Variants in SNTG1 observed in about 807,000 individuals in gnomAD.
SNTG1 encodes the protein gamma-1-syntrophin.
SNTG1 carries 39 observed loss-of-function variants against 74.7 expected under a neutral mutation model. The observed-to-expected ratio is 0.52, with a 90% CI of 0.40 to 0.68. The LOEUF (loss-of-function observed/expected upper bound fraction) is 0.68, where lower values mean the gene tolerates loss of function less well. Ranked by LOEUF, SNTG1 falls within the 30% of genes least tolerant of loss-of-function variation. The pLI is 0.00. For missense variants in SNTG1, 685 were observed against 609.5 expected, an observed-to-expected ratio of 1.12 and a Z score of -1.30; for synonymous variants, 254 against 217.1, an observed-to-expected ratio of 1.17 and a Z score of -1.49.
At chr8:50,505,598 A>T (rs2093999452) in intron 9 of SNTG1, among the ~76,000 whole-genome samples, 1 of 152,092 alleles carries the variant, frequency 6.6e-6, no homozygotes, top group African/African-American at 2.4e-5. Flanking sequence ...AATTTCCCTG[A>T]TAATCAGTAA....
At chr8:50,148,215 A>C (rs2081938975) in intron 1 of SNTG1, among the ~76,000 whole-genome samples, 1 of 152,114 alleles carries the variant, frequency 6.6e-6, no homozygotes, top group South Asian at 2.1e-4. Context: ...TGGTATAAAA[A>C]TGATTATGAA....
chr8:50,488,628 A>G (rs878932419), intron 8 of SNTG1, among the ~76,000 whole-genome samples: 70 of 152,158 alleles, frequency 4.6e-4, no homozygotes, highest in Admixed American at 2.4e-3. Flanking sequence ...TCTATCCTCC[A>G]TCATCTGTTC....
chr8:50,058,771 T>C (rs1217933477), intron 1 of SNTG1, among the ~76,000 whole-genome samples: 2 of 151,916 alleles, frequency 1.3e-5, no homozygotes, highest in African/African-American at 4.8e-5. Flanking sequence ...TGTATGTGTG[T>C]TTAGTGCCAT....
At chr8:50,206,217 G>A (rs535059105) in intron 2 of SNTG1, among the ~76,000 whole-genome samples, 81 of 152,080 alleles carry the variant, frequency 5.3e-4, no homozygotes, top group Admixed American at 1.4e-3. Context: ...ATGTTCTTCC[G>A]TTTGTTTGTG....
intron 13 of SNTG1, among the ~76,000 whole-genome samples, chr8:50,623,747 A>C (rs74681713): frequency 1.3e-5 from 2 of 152,010 alleles, no homozygotes; most frequent in African/African-American, 4.8e-5. Context: ...GTTGAAAAAT[A>C]CATACAAATA....
intron 1 of SNTG1, among the ~76,000 whole-genome samples, chr8:49,951,627 A>G (rs1585633719): frequency 1.3e-5 from 2 of 149,308 alleles, no homozygotes. Context: ...GGGAGCGGGG[A>G]GGGATAGCAT....
At chr8:50,152,293 A>G (rs1156375776) in intron 1 of SNTG1, among the ~76,000 whole-genome samples, 2 of 152,094 alleles carry the variant, frequency 1.3e-5, no homozygotes, top group African/African-American at 2.4e-5. Context: ...TTTTGAGCCT[A>G]TGTGTGTCTC....
intron 8 of SNTG1, among the ~76,000 whole-genome samples, chr8:50,485,488 A>C (rs1461416514): frequency 6.6e-6 from 1 of 152,010 alleles, no homozygotes; most frequent in Non-Finnish European, 1.5e-5. Context: ...GTGTCTGTTC[A>C]TGTCCTTCAC....
intron 2 of SNTG1, among the ~76,000 whole-genome samples, chr8:50,315,129 TA>T (rs2090267083): frequency 2.0e-5 from 3 of 149,948 alleles, no homozygotes; most frequent in African/African-American, 7.5e-5. Flanking sequence ...TATTCTTGTA[TA>T]TATATTATTT....
intron 2 of SNTG1, among the ~76,000 whole-genome samples, chr8:50,300,605 C>A (rs946966662): frequency 6.7e-6 from 1 of 150,304 alleles, no homozygotes; most frequent in Non-Finnish European, 1.5e-5. Context: ...AAATTTTTCC[C>A]ATGGAAGAAA....
chr8:50,217,341 A>C (rs888396375), intron 2 of SNTG1, among the ~76,000 whole-genome samples: 4 of 152,036 alleles, frequency 2.6e-5, no homozygotes, highest in African/African-American at 9.7e-5. Context: ...TTTTTCAATC[A>C]CTGGGAAGAC....
At chr8:50,253,297 C>A (rs990144010) in intron 2 of SNTG1, among the ~76,000 whole-genome samples, 4 of 152,006 alleles carry the variant, frequency 2.6e-5, no homozygotes, top group Non-Finnish European at 5.9e-5. Context: ...GTGGCGGGCA[C>A]CTGTAATCCC....
intron 18 of SNTG1, among the ~76,000 whole-genome samples, chr8:50,757,973 C>T (rs112539348): frequency 7.5e-4 from 114 of 151,946 alleles, no homozygotes; most frequent in African/African-American, 2.5e-3. Context: ...CCTCCTAATT[C>T]CTGCCTCTCC....
intron 13 of SNTG1, among the ~76,000 whole-genome samples, chr8:50,594,512 T>C (rs2094714015): frequency 1.3e-5 from 2 of 152,106 alleles, no homozygotes; most frequent in Non-Finnish European, 2.9e-5. Flanking sequence ...ACATATTAGC[T>C]CTGGTAGCTA....
intron 1 of SNTG1, among the ~76,000 whole-genome samples, chr8:49,996,173 T>C (rs1463673916): frequency 6.6e-6 from 1 of 152,148 alleles, no homozygotes; most frequent in Non-Finnish European, 1.5e-5. Flanking sequence ...CAGATTTATA[T>C]ATAAAGCTAA....
intron 9 of SNTG1, among the ~76,000 whole-genome samples, chr8:50,526,664 T>A (rs1272854025): frequency 6.6e-6 from 1 of 151,568 alleles, no homozygotes; most frequent in Non-Finnish European, 1.5e-5. Flanking sequence ...TATATATATT[T>A]TTTTGAGATG....
At chr8:50,208,664 C>A (rs2084363046) in intron 2 of SNTG1, among the ~76,000 whole-genome samples, 1 of 152,180 alleles carries the variant, frequency 6.6e-6, no homozygotes, top group South Asian at 2.1e-4. Context: ...CCTTGATGGT[C>A]TTTACAATTT....
intron 13 of SNTG1, among the ~76,000 whole-genome samples, chr8:50,635,070 G>A (rs2095030161): frequency 6.6e-6 from 1 of 152,012 alleles, no homozygotes; most frequent in Non-Finnish European, 1.5e-5. Flanking sequence ...CTTTCCAAGA[G>A]TCTCACCCCA....
At chr8:50,149,866 G>A (rs1213237351) in intron 1 of SNTG1, among the ~76,000 whole-genome samples, 1 of 152,088 alleles carries the variant, frequency 6.6e-6, no homozygotes, top group Admixed American at 6.5e-5. Context: ...GGATTGTCTT[G>A]GCAATGCGGG....
Sources: gnomAD v4.1 joint callset for allele counts (sites outside exome capture counted in the v4.1 genomes callset) on GRCh38, gnomAD v4.1.1 for gene constraint, MANE v1.5 for transcripts, NCBI Gene and HGNC (gene_info 2026-07-23, HGNC 2026-07-21) for gene names.